The following FBXL17 variants were observed in gnomAD, a reference collection of about 807,000 sequenced individuals.
The protein encoded by FBXL17 is F-box and leucine rich repeat protein 17.
A neutral mutation model predicts 66.2 loss-of-function variants in FBXL17; 22 were observed. The observed-to-expected ratio is 0.33, with a 90% confidence interval of 0.24 to 0.47. FBXL17 has a LOEUF of 0.47. Ranked by LOEUF, FBXL17 falls within the 20% of genes least tolerant of loss-of-function variation. The probability of loss-of-function intolerance (pLI) is 1.00; values close to 1 mark genes in which losing one functional copy is unlikely to be tolerated. For missense variants in FBXL17, 878 were observed against 948.2 expected, an observed-to-expected ratio of 0.93 and a Z score of 0.97; for synonymous variants, 474 against 400.5, an observed-to-expected ratio of 1.18 and a Z score of -2.19.
intron 7 of FBXL17, among the ~76,000 whole-genome samples, chr5:107,985,244 G>A (rs913324955): frequency 2.0e-5 from 3 of 152,120 alleles, no homozygotes; most frequent in African/African-American, 7.2e-5. Flanking sequence ...CAAATTAATT[G>A]GAAATAGATG....
chr5:108,254,616 T>TA lies in FBXL17; in HGVS notation c.1507-30389dup, dbSNP rs370708317. On this transcript the variant is annotated intron_variant, in intron 4 of 8. Transcript: ENST00000542267. ...CCAAGATGCTCATTTAACTCTGTAA[T>TA]ATTAAAGAGTAATAGATTTCTATTT... Among the ~76,000 whole-genome samples, 454 of 152,312 alleles carry TA rather than the reference T, an allele frequency of 3.0e-3. 2 individuals are homozygous for TA. The highest frequency in any genetic ancestry group is 0.01 in the African/African-American group (436 of 41,576).
intron 6 of FBXL17, among the ~76,000 whole-genome samples, chr5:108,104,805 G>A (rs1749729633): frequency 6.6e-6 from 1 of 152,144 alleles, no homozygotes; most frequent in Non-Finnish European, 1.5e-5. Flanking sequence ...TACACATAGA[G>A]TACTTTGGGG....
intron 4 of FBXL17, among the ~76,000 whole-genome samples, chr5:108,272,222 C>T (rs1016224690): frequency 2.9e-4 from 44 of 151,958 alleles, no homozygotes; most frequent in African/African-American, 9.4e-4. Context: ...ACCCAGGAGG[C>T]GGAGCTTGCA....
chr5:108,170,306 C>A (rs534816707), intron 6 of FBXL17, among the ~76,000 whole-genome samples: 73 of 152,138 alleles, frequency 4.8e-4, no homozygotes, highest in African/African-American at 1.6e-3. Flanking sequence ...GCAAGAAAAT[C>A]TGAGGCAGGT....
chr5:107,905,351 G>T (rs1041669282), intron 7 of FBXL17, among the ~76,000 whole-genome samples: 1 of 152,024 alleles, frequency 6.6e-6, no homozygotes, highest in African/African-American at 2.4e-5. Context: ...TCTAAAAAGA[G>T]CTTATCCCAA....
intron 7 of FBXL17, among the ~76,000 whole-genome samples, chr5:107,892,322 C>T (rs1749223239): frequency 6.6e-6 from 1 of 152,064 alleles, no homozygotes; most frequent in Non-Finnish European, 1.5e-5. Flanking sequence ...AAAGAGTTCA[C>T]ACTTATTCTT....
intron 5 of FBXL17, among the ~76,000 whole-genome samples, chr5:108,202,732 T>G (rs1039136665): frequency 6.6e-5 from 10 of 152,150 alleles, no homozygotes; most frequent in Non-Finnish European, 1.3e-4. Flanking sequence ...CAGCTGCAAT[T>G]TAACACTTAC....
intron 4 of FBXL17, chr5:108,298,689 A>G (rs1298320917): frequency 1.3e-6 from 1 of 797,024 alleles, no homozygotes; most frequent in Non-Finnish European, 1.5e-6. Flanking sequence ...CCTCATACAG[A>G]ATATTAAATA....
At chr5:108,143,056 T>C (rs1751416937) in intron 6 of FBXL17, among the ~76,000 whole-genome samples, 1 of 151,812 alleles carries the variant, frequency 6.6e-6, no homozygotes, top group East Asian at 1.9e-4. Context: ...GTGAGGGATC[T>C]AGGTTGCATG....
At chr5:108,081,336 C>T (rs1310289907) in intron 6 of FBXL17, among the ~76,000 whole-genome samples, 1 of 152,084 alleles carries the variant, frequency 6.6e-6, no homozygotes, top group Non-Finnish European at 1.5e-5. Flanking sequence ...GTTGGGGAGC[C>T]TGGAATTTTA....
chr5:108,049,023 G>A (rs1348215263), intron 6 of FBXL17, among the ~76,000 whole-genome samples: 1 of 152,018 alleles, frequency 6.6e-6, no homozygotes, highest in African/African-American at 2.4e-5. Context: ...TGAAATAAAG[G>A]AAAAAATGTT....
intron 5 of FBXL17, among the ~76,000 whole-genome samples, chr5:108,189,589 C>T (rs1753384333): frequency 6.6e-6 from 1 of 152,088 alleles, no homozygotes; most frequent in Non-Finnish European, 1.5e-5. Flanking sequence ...ATCCCTGCCC[C>T]CTTGAGTGTG....
At chr5:108,264,800 ACT>A (rs994467584) in intron 4 of FBXL17, among the ~76,000 whole-genome samples, 1 of 151,362 alleles carries the variant, frequency 6.6e-6, no homozygotes, top group African/African-American at 2.4e-5. Context: ...GCCAATTATA[ACT>A]CTTCTAATTT....
Position 108,333,148 on chromosome 5 carries a change from G to GTATATATATATATA in FBXL17, c.1506+15237_1506+15250dup, listed in dbSNP as rs145030445. Among the ~76,000 whole-genome samples the GTATATATATATATA allele has an allele frequency of 1.9e-3, 259 of 136,546 alleles. 2 individuals carry two copies. The highest frequency in any genetic ancestry group is 6.8e-3 in the African/African-American group (224 of 32,802). 89.6% of individuals were successfully genotyped at this position (136,546 alleles called of 152,430 possible). ...TGCTTAAGTCAAACCAGAAATACCA[G>GTATATATATATATA]TATATATATATATATATATACATAT... On this transcript the variant is annotated intron_variant, in intron 4 of 8. Transcript: ENST00000542267.
intron 6 of FBXL17, among the ~76,000 whole-genome samples, chr5:108,052,943 G>A (rs1369805281): frequency 6.6e-6 from 1 of 152,034 alleles, no homozygotes; most frequent in Non-Finnish European, 1.5e-5. Context: ...GCAAGCAATG[G>A]GGAAAAAAAT....
At chr5:108,266,114 C>G (rs940021247) in intron 4 of FBXL17, among the ~76,000 whole-genome samples, 4 of 151,304 alleles carry the variant, frequency 2.6e-5, no homozygotes, top group African/African-American at 9.7e-5. Flanking sequence ...ATTTTTTTTT[C>G]AAGTTTTAAA....
At chr5:107,880,380 C>G in intron 8 of FBXL17, 1 of 985,986 alleles carries the variant, frequency 1.0e-6, no homozygotes, top group Non-Finnish European at 1.2e-6. Context: ...TTTTTATTAT[C>G]TGTTTTCTCA....
chr5:108,330,051 G>T lies in FBXL17; in HGVS notation c.1506+18348C>A, dbSNP rs748814662. On this transcript the variant is annotated intron_variant, in intron 4 of 8. Coordinates refer to ENST00000542267, the MANE Select transcript of FBXL17 (RefSeq NM_001163315.3). ...TTCAATAAATACTTAATGCATGAGA[G>T]AACAATAGGCTATGGGGTTACAAAA... 6.3e-4 allele frequency among the ~76,000 whole-genome samples: 96 copies of T among 152,244 alleles called. 1 individual carries two copies. Among genetic ancestry groups the T allele is most frequent in the South Asian group, 1.4e-3 (7 of 4,832 alleles).
chr5:108,193,055 T>A (rs1753532767), intron 5 of FBXL17, among the ~76,000 whole-genome samples: 1 of 152,214 alleles, frequency 6.6e-6, no homozygotes, highest in Admixed American at 6.5e-5. Flanking sequence ...TATAGTTAAA[T>A]ATGTTCAAAT....
Sources: gnomAD v4.1 joint callset for allele counts (sites outside exome capture counted in the v4.1 genomes callset) on GRCh38, gnomAD v4.1.1 for gene constraint, MANE v1.5 for transcripts, NCBI Gene and HGNC (gene_info 2026-07-23, HGNC 2026-07-21) for gene names.